The following TMEM245 variants were observed in gnomAD, a reference collection of about 807,000 sequenced individuals.
TMEM245 encodes transmembrane protein 245.
In TMEM245, 69 loss-of-function variants were observed where a neutral mutation model predicts 101.2. That is an observed-to-expected ratio of 0.68 (90% confidence interval 0.56 to 0.83). The LOEUF (loss-of-function observed/expected upper bound fraction) is 0.83. TMEM245 is among the 40% of genes least tolerant of loss of function. TMEM245 has a pLI of 0.00. For synonymous variants in TMEM245, 537 were observed against 449.8 expected (o/e 1.19, Z -2.45); for missense variants, 1,075 against 1,092.8 (o/e 0.98, Z 0.23).
chr9:109,055,218 A>G (rs577381039), intron 12 of TMEM245, among the ~76,000 whole-genome samples: 1 of 152,386 alleles, frequency 6.6e-6, no homozygotes, highest in Admixed American at 6.5e-5. Context: ...AAAGGGATTC[A>G]ATAACTTTTA....
chr9:109,046,142 T>C lies in TMEM245; in HGVS notation c.2123+4141A>G, dbSNP rs1588031063. 7 of 492,102 alleles carry C rather than the reference T, an allele frequency of 1.4e-5. No homozygotes were observed. In the East Asian group the frequency reaches 2.3e-4, roughly 16 times the overall value. 30.5% of individuals were successfully genotyped at this position (492,102 alleles called of 1,614,324 possible). A position where few individuals can be genotyped will look rare whatever the true frequency, so the allele number is the denominator to read the frequency against. ...ATCGCATGGCATACACACTGTCTTA[T>C]CTAATTCATCAGGACACCCACCCAC... On this transcript the variant is annotated intron_variant, in intron 14 of 17. Transcript: ENST00000374586.
At chr9:109,071,603 C>CAAAA (rs202086560) in intron 9 of TMEM245, among the ~76,000 whole-genome samples, 1 of 124,202 alleles carries the variant, frequency 8.1e-6, no homozygotes, top group African/African-American at 3.1e-5. Flanking sequence ...GACCCTGTCT[C>CAAAA]AAAAAAAAAA....
At chr9:109,070,828 A>C (rs539895351) in intron 9 of TMEM245, among the ~76,000 whole-genome samples, 2 of 152,266 alleles carry the variant, frequency 1.3e-5, no homozygotes, top group East Asian at 3.9e-4. Flanking sequence ...ACTTTAAATA[A>C]ATGAAATCGT....
chr9:109,039,155 G>C (rs1208536927), intron 14 of TMEM245: 2 of 152,184 alleles, frequency 1.3e-5, no homozygotes, highest in Non-Finnish European at 2.9e-5. Context: ...CTGTAATCTA[G>C]TGATTTAGTC....
chr9:109,070,987 T>C (rs1174192683), intron 9 of TMEM245, among the ~76,000 whole-genome samples: 3 of 152,146 alleles, frequency 2.0e-5, no homozygotes, highest in African/African-American at 7.2e-5. Context: ...GTTCAAGCGA[T>C]TCATGTGCCT....
chr9:109,110,995 C>T (rs909325845), intron 1 of TMEM245, among the ~76,000 whole-genome samples: 10 of 151,866 alleles, frequency 6.6e-5, no homozygotes, highest in African/African-American at 2.4e-4. Context: ...TTTTGCGCTA[C>T]CAAACCACAC....
chr9:109,020,301 C>A lies in TMEM245; in HGVS notation c.*159G>T. On this transcript the variant is annotated 3_prime_UTR_variant, in exon 18 of 18. Coordinates refer to ENST00000374586, the MANE Select transcript of TMEM245 (RefSeq NM_032012.4). ...AATACAAAGCAGCCCGCAGCAAGTT[C>A]TCTCTTGTCCAGGCATTCTGTATGT... is the stretch of plus-strand genomic sequence containing the variant. The A allele has an allele frequency of 1.3e-6, 1 of 760,458 alleles. No individual in the cohort carries two copies. The highest frequency in any genetic ancestry group is 2.4e-6 in the Non-Finnish European group (1 of 416,870). 47.1% of individuals were successfully genotyped at this position (760,458 alleles called of 1,614,324 possible). A position where few individuals can be genotyped will look rare whatever the true frequency, so the allele number is the denominator to read the frequency against.
intron 7 of TMEM245, among the ~76,000 whole-genome samples, chr9:109,084,599 T>C (rs758328800): frequency 5.3e-5 from 8 of 152,198 alleles, no homozygotes; most frequent in Non-Finnish European, 1.0e-4. Context: ...AAATCATCGC[T>C]TGAGCCCAAG....
intron 1 of TMEM245, among the ~76,000 whole-genome samples, chr9:109,116,292 A>C (rs1269042368): frequency 6.6e-6 from 1 of 152,222 alleles, no homozygotes; most frequent in Non-Finnish European, 1.5e-5. Context: ...AACCGCTGTG[A>C]ACTGTGGGAT....
intron 10 of TMEM245, among the ~76,000 whole-genome samples, chr9:109,061,547 C>T (rs1370776649): frequency 1.3e-5 from 2 of 151,974 alleles, no homozygotes; most frequent in Admixed American, 6.6e-5. Context: ...TGATCATTAC[C>T]CACTCTAAGG....
chr9:109,064,542 G>C lies in TMEM245; in HGVS notation c.1558C>G (p.Gln520Glu). 1 of 1,613,582 alleles carries C rather than the reference G, an allele frequency of 6.2e-7. No homozygotes were observed. Among genetic ancestry groups the C allele is most frequent in the South Asian group, 1.1e-5 (1 of 91,028 alleles). Residue 520 changes from glutamine (Q) to glutamate (E), a missense_variant, in exon 10 of 18, where the codon CAA becomes GAA. Gln to Glu is a conservative substitution (Grantham distance 29, BLOSUM62 2). Coordinates refer to ENST00000374586, the MANE Select transcript of TMEM245 (RefSeq NM_032012.4). ...TTAGCCGCAGAATTCAGGGCTCTTT[G>C]GACTACCTGAGCCTCAGGAAGCCAA... ...ANWLPEAQVV[Q>E]RALNSAANNV...
chr9:109,119,211 G>A (rs1830820699), intron 1 of TMEM245, 124 bp downstream of exon 1: 2 of 886,802 alleles, frequency 2.3e-6, no homozygotes, highest in Non-Finnish European at 3.2e-6. Context: ...AGCGGAGACG[G>A]ACGGTCACTG....
At chr9:109,108,702 G>T in intron 1 of TMEM245, 132 bp from the exon 2 acceptor site, 1 of 573,776 alleles carries the variant, frequency 1.7e-6, no homozygotes, top group Non-Finnish European at 2.9e-6. Flanking sequence ...GGTTGATGGT[G>T]TCAAAGAAAC....
intron 14 of TMEM245, among the ~76,000 whole-genome samples, chr9:109,043,623 T>G (rs1828384621): frequency 8.3e-6 from 1 of 120,136 alleles, no homozygotes; most frequent in Non-Finnish European, 1.8e-5. Context: ...CTCTGGAGGT[T>G]CTTTTCCTCC....
At chr9:109,088,703 G>A (rs991913521) in intron 5 of TMEM245, among the ~76,000 whole-genome samples, 1 of 151,310 alleles carries the variant, frequency 6.6e-6, no homozygotes, top group Non-Finnish European at 1.5e-5. Context: ...TGTAGTCCCA[G>A]CTACTCAGGA....
At position 109,019,683 on chromosome 9, in the gene TMEM245, C is replaced by T. The variant is rs1827561149; in HGVS notation, c.*777G>A. The T allele has an allele frequency of 6.6e-6, 1 of 152,560 alleles. No individual in the cohort carries two copies. Among genetic ancestry groups the T allele is most frequent in the African/African-American group, 2.4e-5 (1 of 41,444 alleles). The allele number at this position is 152,560 out of a possible 1,614,324, so 9.5% of individuals were successfully genotyped here. A position where few individuals can be genotyped will look rare whatever the true frequency, so the allele number is the denominator to read the frequency against. On this transcript the variant is annotated 3_prime_UTR_variant, in exon 18 of 18. Transcript: ENST00000374586. ...TACACCTGAGATTTTTCACTTCAAC[C>T]ACCTGGAAGGAGAAAACCTAATAAC...
In TMEM245 at chr9:109,092,600, C is replaced by G. The variant is rs1015176663; in HGVS notation, c.916+875G>C. Reference sequence around the variant, plus strand: ...CCTCTCCACTTTGGAAACATAATTCCATGTGCAAGAAAAATAAGTGTTCCT... The same window carrying G: ...CCTCTCCACTTTGGAAACATAATTCGATGTGCAAGAAAAATAAGTGTTCCT... On this transcript the variant is annotated intron_variant, in intron 4 of 17. Transcript: ENST00000374586. Among the ~76,000 whole-genome samples, 5 of 152,202 alleles carry G rather than the reference C, an allele frequency of 3.3e-5. No individual in the cohort carries two copies. In the East Asian group the frequency reaches 9.6e-4, roughly 29 times the overall value.
intron 7 of TMEM245, among the ~76,000 whole-genome samples, chr9:109,083,209 T>C (rs755988451): frequency 6.6e-6 from 1 of 151,662 alleles, no homozygotes; most frequent in Admixed American, 6.6e-5. Flanking sequence ...GAGGAAAAGA[T>C]GAACCAACTC....
At chr9:109,038,336 GA>G in intron 14 of TMEM245, 1 of 352,976 alleles carries the variant, frequency 2.8e-6, no homozygotes, top group Non-Finnish European at 5.1e-6. Context: ...GTTTTATTTG[GA>G]AATATGTTTA....
Sources: gnomAD v4.1 joint callset for allele counts (sites outside exome capture counted in the v4.1 genomes callset) on GRCh38, gnomAD v4.1.1 for gene constraint, MANE v1.5 for transcripts, NCBI Gene and HGNC (gene_info 2026-07-23, HGNC 2026-07-21) for gene names.